Variants in NOVA1 observed in about 807,000 individuals in gnomAD.
NOVA1 encodes the protein NOVA alternative splicing regulator 1.
Under a neutral mutation model 38.0 loss-of-function variants are expected in NOVA1, and 7 were observed. The observed-to-expected ratio is 0.18, with a 90% confidence interval of 0.10 to 0.35. NOVA1 has a LOEUF of 0.35. Ranked by LOEUF, NOVA1 falls within the 10% of genes least tolerant of loss-of-function variation. The pLI, the probability that NOVA1 is intolerant of heterozygous loss-of-function variation, is 1.00. For missense variants in NOVA1, 460 were observed against 616.0 expected (o/e 0.75, Z 2.68); for synonymous variants, 270 against 232.5 (o/e 1.16, Z -1.47).
intron 2 of NOVA1, among the ~76,000 whole-genome samples, chr14:26,521,685 C>T (rs927315317): frequency 6.6e-6 from 1 of 151,824 alleles, no homozygotes; most frequent in Admixed American, 6.6e-5. Context: ...ATGAAAATAT[C>T]GAACAATTTA....
chr14:26,544,589 T>C (rs1342189199), intron 2 of NOVA1, among the ~76,000 whole-genome samples: 2 of 152,040 alleles, frequency 1.3e-5, no homozygotes, highest in African/African-American at 4.8e-5. Context: ...CATTTTATAT[T>C]GGAGGAGAAT....
intron 2 of NOVA1, among the ~76,000 whole-genome samples, chr14:26,543,105 T>A (rs1291683123): frequency 6.6e-6 from 1 of 152,016 alleles, no homozygotes; most frequent in Non-Finnish European, 1.5e-5. Context: ...ATTGTCCTGA[T>A]TTGATCGTTA....
intron 2 of NOVA1, among the ~76,000 whole-genome samples, chr14:26,509,315 T>C (rs1442610108): frequency 1.3e-5 from 2 of 152,052 alleles, no homozygotes; most frequent in Non-Finnish European, 2.9e-5. Flanking sequence ...AGGAATGAGA[T>C]TGGTGATAAG....
At chr14:26,482,725 T>C (rs996965133) in intron 2 of NOVA1, among the ~76,000 whole-genome samples, 3 of 151,920 alleles carry the variant, frequency 2.0e-5, no homozygotes, top group Admixed American at 2.0e-4. Context: ...TGAGACAGAG[T>C]CTCACTTTAT....
intron 3 of NOVA1, among the ~76,000 whole-genome samples, chr14:26,476,209 G>C (rs1196911665): frequency 6.6e-6 from 1 of 152,112 alleles, no homozygotes; most frequent in Admixed American, 6.6e-5. Flanking sequence ...TCCAGCATCT[G>C]AACTAGTCAA....
chr14:26,538,061 G>A (rs574035590), intron 2 of NOVA1, among the ~76,000 whole-genome samples: 2,135 of 152,212 alleles, frequency 0.014, 52 homozygotes, highest in African/African-American at 0.049. Context: ...ATAAACGGCA[G>A]GGGGAAACTG....
intron 2 of NOVA1, among the ~76,000 whole-genome samples, chr14:26,556,397 G>A (rs987982810): frequency 2.0e-5 from 3 of 152,060 alleles, no homozygotes; most frequent in Non-Finnish European, 4.4e-5. Flanking sequence ...ATTCAATACC[G>A]CAATGATAGT....
chr14:26,471,071 GT>G (rs1165984933), intron 4 of NOVA1, among the ~76,000 whole-genome samples: 1 of 136,066 alleles, frequency 7.3e-6, no homozygotes, highest in Non-Finnish European at 1.6e-5. Context: ...GAAGTGTTGG[GT>G]TTTACAACAC....
intron 2 of NOVA1, among the ~76,000 whole-genome samples, chr14:26,589,180 C>A (rs1417026851): frequency 1.3e-5 from 2 of 151,544 alleles, no homozygotes; most frequent in Non-Finnish European, 3.0e-5. Flanking sequence ...ATAGTACAGA[C>A]TTTGCCAGAT....
At chr14:26,527,139 C>CTGTTTAAAACTGTGCATGGAAAAGAGA (rs1555325868) in intron 2 of NOVA1, among the ~76,000 whole-genome samples, 1 of 152,158 alleles carries the variant, frequency 6.6e-6, no homozygotes, top group African/African-American at 2.4e-5. Flanking sequence ...TAGGTGAAGT[C>CTGTTTAAAACTGTGCATGGAAAAGAGA]ATGAGCTATG....
At chr14:26,565,537 C>T (rs1244578479) in intron 2 of NOVA1, among the ~76,000 whole-genome samples, 2 of 151,960 alleles carry the variant, frequency 1.3e-5, no homozygotes, top group Admixed American at 6.6e-5. Flanking sequence ...TTGGCTTCCA[C>T]GTAAAAAGAC....
At chr14:26,551,042 G>A (rs1891132467) in intron 2 of NOVA1, among the ~76,000 whole-genome samples, 2 of 151,924 alleles carry the variant, frequency 1.3e-5, no homozygotes, top group Non-Finnish European at 2.9e-5. Context: ...AAGAAATCTA[G>A]GAATTCTAGG....
At chr14:26,478,355 A>G (rs181094506) in intron 3 of NOVA1, among the ~76,000 whole-genome samples, 3 of 152,016 alleles carry the variant, frequency 2.0e-5, no homozygotes, top group Non-Finnish European at 4.4e-5. Flanking sequence ...ATGGTATCAT[A>G]CTACTAAATT....
At chr14:26,487,977 G>C (rs1329150534) in intron 2 of NOVA1, among the ~76,000 whole-genome samples, 1 of 152,066 alleles carries the variant, frequency 6.6e-6, no homozygotes, top group East Asian at 1.9e-4. Context: ...CCACTGTACA[G>C]TTACGCACAT....
At chr14:26,597,152 G>T in intron 1 of NOVA1, 149 bp downstream of exon 1, 1 of 1,204,962 alleles carries the variant, frequency 8.3e-7, no homozygotes, top group South Asian at 4.3e-5. Context: ...GGGGGCGCGG[G>T]GCAGGGGCGC....
intron 2 of NOVA1, among the ~76,000 whole-genome samples, chr14:26,536,882 T>C (rs898225080): frequency 6.6e-6 from 1 of 152,072 alleles, no homozygotes; most frequent in Non-Finnish European, 1.5e-5. Context: ...ATATCAGGAA[T>C]TAGAACATTT....
At chr14:26,593,221 G>A (rs1469118615) in intron 2 of NOVA1, 2 of 151,728 alleles carry the variant, frequency 1.3e-5, no homozygotes, top group Non-Finnish European at 3.0e-5. Flanking sequence ...AGATGTACAA[G>A]GTAAGTGTCC....
intron 2 of NOVA1, among the ~76,000 whole-genome samples, chr14:26,517,283 G>T (rs924268568): frequency 6.6e-6 from 1 of 151,984 alleles, no homozygotes; most frequent in South Asian, 2.1e-4. Context: ...GGCTCTTTTT[G>T]CTAGAATGCT....
At chr14:26,522,137 C>A (rs1888945900) in intron 2 of NOVA1, among the ~76,000 whole-genome samples, 1 of 152,024 alleles carries the variant, frequency 6.6e-6, no homozygotes, top group Non-Finnish European at 1.5e-5. Flanking sequence ...ATGTCCATCA[C>A]TTGGGAGGCA....
Sources: allele counts gnomAD v4.1 joint callset (sites outside exome capture counted in the v4.1 genomes callset), GRCh38; gene constraint gnomAD v4.1.1; transcripts MANE v1.5; gene names NCBI Gene and HGNC (gene_info 2026-07-23, HGNC 2026-07-21).